Variants in RSU1 observed in about 807,000 individuals in gnomAD.
The protein encoded by RSU1 is Ras suppressor protein 1, also known as rsu-1.
A neutral mutation model predicts 31.1 loss-of-function variants in RSU1; 26 were observed. The observed-to-expected ratio is 0.84, with a 90% confidence interval of 0.61 to 1.16. RSU1 has a LOEUF of 1.16. Among genes scored for constraint, RSU1 ranks in the 50% most tolerant of loss-of-function variants. The probability of loss-of-function intolerance (pLI) is 0.00; values close to 1 mark genes in which losing one functional copy is unlikely to be tolerated. For missense variants in RSU1, 320 were observed against 339.1 expected, an observed-to-expected ratio of 0.94 and a Z score of 0.44; for synonymous variants, 164 against 136.3, an observed-to-expected ratio of 1.20 and a Z score of -1.41.
intron 8 of RSU1, among the ~76,000 whole-genome samples, chr10:16,644,979 G>A (rs1460903302): frequency 6.6e-6 from 1 of 152,122 alleles, no homozygotes; most frequent in Non-Finnish European, 1.5e-5. Flanking sequence ...GAAATTGTAT[G>A]ATAATATTTA....
chr10:16,778,160 C>A (rs772237360), intron 3 of RSU1, among the ~76,000 whole-genome samples: 5 of 151,646 alleles, frequency 3.3e-5, no homozygotes, highest in Non-Finnish European at 7.4e-5. Flanking sequence ...AGCTGAGATG[C>A]CTGGCTCATG....
At chr10:16,652,415 C>T (rs896420718) in intron 8 of RSU1, among the ~76,000 whole-genome samples, 8 of 139,134 alleles carry the variant, frequency 5.7e-5, no homozygotes, top group African/African-American at 1.9e-4. Flanking sequence ...AAAAAAAACC[C>T]GAGAATCTGG....
At chr10:16,634,765 G>C (rs1416349343) in intron 8 of RSU1, among the ~76,000 whole-genome samples, 1 of 152,192 alleles carries the variant, frequency 6.6e-6, no homozygotes, top group African/African-American at 2.4e-5. Context: ...AATTACCTAA[G>C]GAAATTGAGT....
chr10:16,799,273 C>A (rs568808839), intron 2 of RSU1, among the ~76,000 whole-genome samples: 2 of 152,270 alleles, frequency 1.3e-5, no homozygotes, highest in South Asian at 4.1e-4. Context: ...CTACCATACT[C>A]ACAGTAAGAA....
intron 2 of RSU1, among the ~76,000 whole-genome samples, chr10:16,813,791 C>G (rs188945153): frequency 6.6e-6 from 1 of 152,206 alleles, no homozygotes; most frequent in African/African-American, 2.4e-5. Flanking sequence ...ACTGTAGAAC[C>G]TGTCTGATAC....
At chr10:16,675,155 T>C (rs1308408143) in intron 8 of RSU1, among the ~76,000 whole-genome samples, 1 of 144,670 alleles carries the variant, frequency 6.9e-6, no homozygotes, top group Non-Finnish European at 1.5e-5. Context: ...GCGGTGAGAT[T>C]GCACCCCTGC....
chr10:16,620,523 G>C (rs1042476886), intron 8 of RSU1, among the ~76,000 whole-genome samples: 1 of 151,156 alleles, frequency 6.6e-6, no homozygotes, highest in Non-Finnish European at 1.5e-5. Context: ...CCATTTTTGC[G>C]GGAGGGGAGT....
At chr10:16,660,260 G>A (rs1834863243) in intron 8 of RSU1, among the ~76,000 whole-genome samples, 1 of 152,192 alleles carries the variant, frequency 6.6e-6, no homozygotes, top group South Asian at 2.1e-4. Context: ...TGCACGCCCA[G>A]TGTGCATCAG....
At chr10:16,806,639 T>C (rs531116148) in intron 2 of RSU1, among the ~76,000 whole-genome samples, 1 of 152,344 alleles carries the variant, frequency 6.6e-6, no homozygotes, top group South Asian at 2.1e-4. Context: ...TCAATCATAT[T>C]ATCTATTATT....
intron 8 of RSU1, among the ~76,000 whole-genome samples, chr10:16,660,561 C>T (rs1179050491): frequency 6.6e-6 from 1 of 150,632 alleles, no homozygotes; most frequent in African/African-American, 2.4e-5. Flanking sequence ...ATGTCTTACT[C>T]TCTCTTTACT....
intron 8 of RSU1, among the ~76,000 whole-genome samples, chr10:16,692,979 T>G (rs887594868): frequency 1.3e-5 from 2 of 152,200 alleles, no homozygotes; most frequent in African/African-American, 4.8e-5. Flanking sequence ...TTTCTTTTTT[T>G]TGGGATGGAA....
intron 8 of RSU1, among the ~76,000 whole-genome samples, chr10:16,603,229 C>T (rs1833742957): frequency 6.6e-6 from 1 of 152,042 alleles, no homozygotes. Flanking sequence ...GTGTAGTTGG[C>T]TTAAGACAGA....
intron 2 of RSU1, among the ~76,000 whole-genome samples, chr10:16,790,877 A>C (rs373975027): frequency 1.3e-5 from 2 of 152,272 alleles, no homozygotes; most frequent in East Asian, 3.9e-4. Context: ...CATGATTATA[A>C]GTTTTCTGAA....
chr10:16,681,749 C>G (rs2131549231), intron 8 of RSU1, among the ~76,000 whole-genome samples: 1 of 152,036 alleles, frequency 6.6e-6, no homozygotes, highest in African/African-American at 2.4e-5. Context: ...GAAGCCACCT[C>G]TAAGATGAGT....
intron 7 of RSU1, among the ~76,000 whole-genome samples, chr10:16,720,963 G>T (rs1045909980): frequency 1.3e-5 from 2 of 152,016 alleles, no homozygotes; most frequent in African/African-American, 4.8e-5. Flanking sequence ...CTCCAGCCTG[G>T]ACAACTGAAC....
At chr10:16,661,307 T>C (rs1745409789) in intron 8 of RSU1, among the ~76,000 whole-genome samples, 2 of 151,422 alleles carry the variant, frequency 1.3e-5, no homozygotes, top group African/African-American at 4.9e-5. Flanking sequence ...TGTGTGTGTG[T>C]GTGTGTGTGT....
chr10:16,677,815 T>G (rs955869692), intron 8 of RSU1, among the ~76,000 whole-genome samples: 1 of 152,190 alleles, frequency 6.6e-6, no homozygotes, highest in Admixed American at 6.5e-5. Context: ...TTATCCAGAA[T>G]TTAGCACCAA....
At chr10:16,796,122 G>T (rs1436057853) in intron 2 of RSU1, among the ~76,000 whole-genome samples, 1 of 152,128 alleles carries the variant, frequency 6.6e-6, no homozygotes, top group Non-Finnish European at 1.5e-5. Context: ...AATATTAGAA[G>T]ACCATGGTGT....
rs187235524 is a variant in RSU1, at chr10:16,703,346, A to C, written c.599-8191T>G. On this transcript the variant is annotated intron_variant, in intron 7 of 8. Transcript: ENST00000345264. ...TTCCCTACATTGCTGGTTAGAATCCAAACTGGCACCTCTTCTCTGAAAAGC... is the reference window on the plus strand; with the variant it reads ...TTCCCTACATTGCTGGTTAGAATCCCAACTGGCACCTCTTCTCTGAAAAGC... Among the ~76,000 whole-genome samples the C allele has an allele frequency of 2.6e-4, 39 of 152,342 alleles. No individual in the cohort carries two copies. The East Asian group carries it at 6.0e-3, about 23-fold the overall frequency.
Sources: gnomAD v4.1 joint callset for allele counts (sites outside exome capture counted in the v4.1 genomes callset) on GRCh38, gnomAD v4.1.1 for gene constraint, MANE v1.5 for transcripts, NCBI Gene and HGNC (gene_info 2026-07-23, HGNC 2026-07-21) for gene names.